The following MTHFD1L variants were observed in gnomAD, a reference collection of about 807,000 sequenced individuals.
The protein encoded by MTHFD1L is methylenetetrahydrofolate dehydrogenase (NADP+ dependent) 1 like, also known as monofunctional C1-tetrahydrofolate synthase, mitochondrial.
MTHFD1L carries 81 observed loss-of-function variants against 119.5 expected under a neutral mutation model. The ratio of observed to expected loss-of-function variants is 0.68; its 90% confidence interval spans 0.57 to 0.82. The LOEUF (loss-of-function observed/expected upper bound fraction) is 0.82, where lower values mean the gene tolerates loss of function less well. MTHFD1L is among the 40% of genes least tolerant of loss of function. The pLI is 0.00. For synonymous variants in MTHFD1L, 430 were observed against 475.2 expected, an observed-to-expected ratio of 0.90 and a Z score of 1.24; for missense variants, 1,125 against 1,253.4, an observed-to-expected ratio of 0.90 and a Z score of 1.55.
chr6:151,079,669 A>C (rs889145801), intron 26 of MTHFD1L, among the ~76,000 whole-genome samples: 2 of 151,482 alleles, frequency 1.3e-5, no homozygotes, highest in East Asian at 4.0e-4. Flanking sequence ...TTGTATTTTT[A>C]GTAGAGACGG....
intron 26 of MTHFD1L, among the ~76,000 whole-genome samples, chr6:151,075,658 G>A (rs891472382): frequency 6.6e-5 from 10 of 152,138 alleles, no homozygotes; most frequent in East Asian, 3.8e-4. Flanking sequence ...AGCAGATTAC[G>A]CATTCTTTTC....
chr6:150,974,735 T>A (rs1014429610), intron 20 of MTHFD1L, among the ~76,000 whole-genome samples: 7 of 151,730 alleles, frequency 4.6e-5, no homozygotes, highest in South Asian at 4.2e-4. Flanking sequence ...TTTTTTTTTT[T>A]TTTTTTTTTA....
At chr6:150,875,339 A>G in intron 1 of MTHFD1L, among the ~76,000 whole-genome samples, 1 of 152,084 alleles carries the variant, frequency 6.6e-6, no homozygotes. Context: ...GCATGCCACC[A>G]TGCCAGGCCT....
intron 24 of MTHFD1L, among the ~76,000 whole-genome samples, chr6:151,016,164 C>G (rs1230834356): frequency 1.3e-5 from 2 of 152,172 alleles, no homozygotes; most frequent in African/African-American, 4.8e-5. Flanking sequence ...CAGACCCTAG[C>G]TCCTTGTCCC....
chr6:150,969,396 TG>T (rs1419582893), intron 19 of MTHFD1L, among the ~76,000 whole-genome samples: 1 of 151,930 alleles, frequency 6.6e-6, no homozygotes, highest in Non-Finnish European at 1.5e-5. Flanking sequence ...CTGCTGAGGC[TG>T]AGGCAGGAGA....
intron 15 of MTHFD1L, among the ~76,000 whole-genome samples, chr6:150,948,320 T>G (rs1350687313): frequency 1.3e-5 from 2 of 151,754 alleles, no homozygotes; most frequent in African/African-American, 4.8e-5. Context: ...TTTTGATTTT[T>G]GTTTTTTGGT....
chr6:150,936,932 G>T lies in MTHFD1L; in HGVS notation c.1385G>T (p.Gly462Val), dbSNP rs376651691. 36 of 1,614,122 alleles carry T rather than the reference G, an allele frequency of 2.2e-5. No homozygotes were observed. The highest frequency in any genetic ancestry group is 3.0e-5 in the Non-Finnish European group (35 of 1,180,000). ...CAGCCTTCCCAAGGACCGACGTTTG[G>T]AGTGAAAGGTACTGTCTTTAACAAC... is the stretch of plus-strand genomic sequence containing the variant. ...LRQPSQGPTF[G>V]VKGGAAGGGY... Residue 462 changes from glycine (G) to valine (V), a missense_variant, in exon 12 of 28, where the codon GGA becomes GTA. Transcript: ENST00000367321.
intron 7 of MTHFD1L, among the ~76,000 whole-genome samples, chr6:150,900,721 T>G (rs1485513980): frequency 6.6e-6 from 1 of 152,148 alleles, no homozygotes; most frequent in Non-Finnish European, 1.5e-5. Context: ...TTTTCTATAT[T>G]AAGAAAAAGT....
At chr6:151,070,378 G>A (rs879826558) in intron 26 of MTHFD1L, among the ~76,000 whole-genome samples, 1 of 152,040 alleles carries the variant, frequency 6.6e-6, no homozygotes, top group African/African-American at 2.4e-5. Flanking sequence ...ATCTAGATTC[G>A]GACACCATCA....
intron 20 of MTHFD1L, among the ~76,000 whole-genome samples, chr6:150,997,149 G>A (rs1779905427): frequency 6.6e-6 from 1 of 152,148 alleles, no homozygotes; most frequent in East Asian, 1.9e-4. Context: ...GGTCAGCCCT[G>A]AGGGCTCATT....
At chr6:150,936,659 A>G (rs931872860) in intron 11 of MTHFD1L, 145 bp from the exon 12 acceptor site, 1 of 973,174 alleles carries the variant, frequency 1.0e-6, no homozygotes, top group Non-Finnish European at 1.5e-6. Context: ...GTGTGATGTG[A>G]GTAGACCATA....
chr6:150,871,165 T>G (rs1298982146), intron 1 of MTHFD1L, among the ~76,000 whole-genome samples: 1 of 146,058 alleles, frequency 6.8e-6, no homozygotes, highest in Non-Finnish European at 1.5e-5. Context: ...TATATACACC[T>G]TAATAATAAT....
intron 2 of MTHFD1L, among the ~76,000 whole-genome samples, chr6:150,877,228 T>A (rs1041256545): frequency 2.0e-5 from 3 of 152,248 alleles, no homozygotes; most frequent in Admixed American, 2.0e-4. Flanking sequence ...AATGTTTGTA[T>A]TTTTTGTAGA....
At chr6:150,960,677 T>C (rs570896386) in intron 18 of MTHFD1L, among the ~76,000 whole-genome samples, 45 of 152,294 alleles carry the variant, frequency 3.0e-4, no homozygotes, top group African/African-American at 1.0e-3. Context: ...TTGCCAATCC[T>C]GATCTCTGCT....
intron 1 of MTHFD1L, among the ~76,000 whole-genome samples, chr6:150,875,083 T>G (rs1780200928): frequency 6.6e-6 from 1 of 150,584 alleles, no homozygotes; most frequent in Non-Finnish European, 1.5e-5. Flanking sequence ...AGAAATTGAG[T>G]CTTGCTCTGC....
intron 11 of MTHFD1L, among the ~76,000 whole-genome samples, chr6:150,930,918 C>T (rs1052864602): frequency 4.6e-5 from 7 of 152,150 alleles, no homozygotes; most frequent in Admixed American, 2.6e-4. Context: ...AACTACATAT[C>T]GCATGGTATT....
chr6:150,954,624 G>T (rs1354624967), intron 16 of MTHFD1L, among the ~76,000 whole-genome samples: 1 of 152,004 alleles, frequency 6.6e-6, no homozygotes. Flanking sequence ...AGGAGGCGAA[G>T]GTTGTAGTGA....
intron 20 of MTHFD1L, among the ~76,000 whole-genome samples, chr6:150,985,794 C>G (rs1424050498): frequency 6.6e-6 from 1 of 152,214 alleles, no homozygotes; most frequent in Non-Finnish European, 1.5e-5. Context: ...GGAAATAGCA[C>G]GTCACTGGTG....
intron 26 of MTHFD1L, among the ~76,000 whole-genome samples, chr6:151,059,352 G>A (rs779803471): frequency 6.6e-6 from 1 of 151,456 alleles, no homozygotes; most frequent in Non-Finnish European, 1.5e-5. Flanking sequence ...GCTAATTTTT[G>A]TATTAGTAGA....
Sources: gnomAD v4.1 joint callset for allele counts (sites outside exome capture counted in the v4.1 genomes callset) on GRCh38, gnomAD v4.1.1 for gene constraint, MANE v1.5 for transcripts, NCBI Gene and HGNC (gene_info 2026-07-23, HGNC 2026-07-21) for gene names.